The following SLC16A7 variants were observed in gnomAD, a reference collection of about 807,000 sequenced individuals.
SLC16A7 encodes solute carrier family 16 member 7, also known as monocarboxylate transporter 2.
A neutral mutation model predicts 34.9 loss-of-function variants in SLC16A7; 33 were observed. That is an observed-to-expected ratio of 0.94 (90% confidence interval 0.72 to 1.26). SLC16A7 has a LOEUF of 1.26. SLC16A7 is among the 50% of genes most tolerant of loss of function. The probability of loss-of-function intolerance (pLI) is 0.00; values close to 1 mark genes in which losing one functional copy is unlikely to be tolerated. For missense variants in SLC16A7, 573 were observed against 578.1 expected (o/e 0.99, Z 0.09); for synonymous variants, 201 against 206.6 (o/e 0.97, Z 0.23).
rs928429758 is a variant in SLC16A7, at chr12:59,704,937, G to T, written c.136G>T (p.Glu46Ter). ...CAAAGCTGTCACCGTATTCTTCAAA[G>T]AAATTCAGCAAATATTCCACACTAC... ...FPKAVTVFFK[E>*]IQQIFHTTYS... Residue 46 changes from glutamate to a stop codon, truncating the protein, a stop_gained, in exon 3 of 6, where the codon GAA becomes TAA. Coordinates refer to ENST00000547379, the MANE Select transcript of SLC16A7 (RefSeq NM_001270623.2). LOFTEE classifies it high-confidence loss of function. 3 of 1,613,698 alleles carry T rather than the reference G, an allele frequency of 1.9e-6. No individual in the cohort carries two copies. Among genetic ancestry groups the T allele is most frequent in the African/African-American group, 2.7e-5 (2 of 74,880 alleles).
At chr12:59,729,437 G>A (rs1167193323) in intron 3 of SLC16A7, among the ~76,000 whole-genome samples, 1 of 152,048 alleles carries the variant, frequency 6.6e-6, no homozygotes, top group African/African-American at 2.4e-5. Context: ...TCTTTATTCT[G>A]TCTTTATTAA....
Position 59,780,714 on chromosome 12 carries a change from A to C in SLC16A7, c.*1035A>C, listed in dbSNP as rs1883186137. On this transcript the variant is annotated 3_prime_UTR_variant, in exon 6 of 6. Transcript: ENST00000547379. ...GTTGGCAGGATTGTAAGTAGACCGA[A>C]TTCTAATTTTTCCCAACACATAGTG... The C allele has an allele frequency of 6.6e-6, 1 of 152,166 alleles. No individual in the cohort carries two copies. Among genetic ancestry groups the C allele is most frequent in the South Asian group, 2.1e-4 (1 of 4,834 alleles). The allele number at this position is 152,166 out of a possible 1,614,324, so 9.4% of individuals were successfully genotyped here.
At chr12:59,711,633 T>G (rs1393092100) in intron 3 of SLC16A7, among the ~76,000 whole-genome samples, 2 of 152,140 alleles carry the variant, frequency 1.3e-5, no homozygotes, top group Admixed American at 6.5e-5. Flanking sequence ...TTCTCCTGCC[T>G]CAGCCTCCTG....
At chr12:59,614,187 G>T (rs1185192710) in intron 1 of SLC16A7, among the ~76,000 whole-genome samples, 1 of 151,852 alleles carries the variant, frequency 6.6e-6, no homozygotes, top group Non-Finnish European at 1.5e-5. Context: ...AGTAACTGTG[G>T]CTACATGTGC....
intron 3 of SLC16A7, among the ~76,000 whole-genome samples, chr12:59,766,335 C>T (rs1881627494): frequency 6.6e-6 from 1 of 152,116 alleles, no homozygotes; most frequent in South Asian, 2.1e-4. Context: ...CTTCTCCTGC[C>T]TGATTGCCCT....
At position 59,655,168 on chromosome 12, in the gene SLC16A7, G is replaced by A. The variant is rs528528716; in HGVS notation, c.-113G>A. ...TTCTTCTAGGAGTCAATCTTAAGAT[G>A]TGATACTTTCCTGTGAAACCTGAAA... On this transcript the variant is annotated 5_prime_UTR_variant, in exon 2 of 6. The change creates a new upstream start codon in the 5' untranslated region. Transcript: ENST00000547379. 2.3e-4 allele frequency: 35 copies of A among 151,860 alleles called. No homozygotes were observed. Among genetic ancestry groups the A allele is most frequent in the Non-Finnish European group, 4.9e-4 (33 of 67,896 alleles). The allele number at this position is 151,860 out of a possible 1,614,324, so 9.4% of individuals were successfully genotyped here.
chr12:59,673,474 G>T (rs974464171), intron 2 of SLC16A7, among the ~76,000 whole-genome samples: 1 of 147,496 alleles, frequency 6.8e-6, no homozygotes, highest in Non-Finnish European at 1.5e-5. Context: ...CAAGTTGTCA[G>T]CAAACATGTT....
At chr12:59,703,343 A>G (rs17122864) in intron 2 of SLC16A7, among the ~76,000 whole-genome samples, 2,679 of 152,144 alleles carry the variant, frequency 0.018, 84 homozygotes, top group African/African-American at 0.061. Context: ...TACGTTGTCT[A>G]ATAGAATGGT....
In SLC16A7 at chr12:59,775,267, T is replaced by A; in HGVS notation, c.972T>A (p.Asn324Lys). The change falls in exon 5 of 6, where the codon AAT becomes AAA. Residue 324 changes from asparagine (N) to lysine (K), a missense_variant. Asn to Lys is a moderately conservative substitution (Grantham distance 94). Transcript: ENST00000547379. ...QYFFSFAIMF[N>K]GVCHLLCPLA... ...TCTTCAGTTTTGCAATCATGTTCAA[T>A]GGAGTGTGTCACCTCTTGTGCCCAC... 6.2e-7 allele frequency: 1 copy of A among 1,614,200 alleles called. No homozygotes were observed. Among genetic ancestry groups the A allele is most frequent in the Non-Finnish European group, 8.5e-7 (1 of 1,180,004 alleles).
chr12:59,686,988 C>T (rs1015288185), intron 2 of SLC16A7, among the ~76,000 whole-genome samples: 5 of 151,754 alleles, frequency 3.3e-5, no homozygotes, highest in African/African-American at 1.2e-4. Flanking sequence ...CGTTAAATAC[C>T]TTGATGTAGT....
chr12:59,684,117 A>G (rs1431802476), intron 2 of SLC16A7, among the ~76,000 whole-genome samples: 2 of 152,248 alleles, frequency 1.3e-5, no homozygotes, highest in Non-Finnish European at 2.9e-5. Flanking sequence ...TGAAGTAAAG[A>G]AAATGAAGGA....
At chr12:59,740,954 T>A (rs1313426938) in intron 3 of SLC16A7, among the ~76,000 whole-genome samples, 1 of 152,144 alleles carries the variant, frequency 6.6e-6, no homozygotes, top group African/African-American at 2.4e-5. Flanking sequence ...GTGAACTCCC[T>A]TTCACAATTG....
At chr12:59,663,217 T>C (rs2137032628) in intron 2 of SLC16A7, among the ~76,000 whole-genome samples, 1 of 152,098 alleles carries the variant, frequency 6.6e-6, no homozygotes, top group South Asian at 2.1e-4. Context: ...TATTTAACTT[T>C]AGAATATTTT....
At chr12:59,758,919 C>T (rs577789270) in intron 3 of SLC16A7, among the ~76,000 whole-genome samples, 32 of 151,868 alleles carry the variant, frequency 2.1e-4, no homozygotes, top group Non-Finnish European at 4.3e-4. Context: ...AGTCTTGTTG[C>T]CATTTTTAAG....
intron 3 of SLC16A7, among the ~76,000 whole-genome samples, chr12:59,724,658 A>T (rs887431989): frequency 5.3e-5 from 8 of 152,090 alleles, no homozygotes; most frequent in Non-Finnish European, 8.8e-5. Context: ...GCTGCATAAA[A>T]GAAAAGGGCT....
At chr12:59,764,998 T>C (rs1005210133) in intron 3 of SLC16A7, among the ~76,000 whole-genome samples, 1 of 152,208 alleles carries the variant, frequency 6.6e-6, no homozygotes, top group Non-Finnish European at 1.5e-5. Context: ...GCACCTGTTG[T>C]TTCCTGACTT....
intron 3 of SLC16A7, among the ~76,000 whole-genome samples, chr12:59,726,234 A>G (rs371440184): frequency 1.2e-4 from 18 of 152,184 alleles, no homozygotes; most frequent in Admixed American, 9.8e-4. Flanking sequence ...TGAAATTAAA[A>G]GTGACGTGAG....
chr12:59,719,891 G>A (rs577754985), intron 3 of SLC16A7: 20 of 514,170 alleles, frequency 3.9e-5, no homozygotes, highest in Non-Finnish European at 6.4e-5. Context: ...ACAATTTTCC[G>A]TGGTCCACTG....
intron 3 of SLC16A7, among the ~76,000 whole-genome samples, chr12:59,760,662 C>T (rs1880915702): frequency 6.6e-6 from 1 of 152,006 alleles, no homozygotes; most frequent in Non-Finnish European, 1.5e-5. Context: ...ACTAAGAGGG[C>T]TGCTAAGTAA....
Sources: allele counts gnomAD v4.1 joint callset (sites outside exome capture counted in the v4.1 genomes callset), GRCh38; gene constraint gnomAD v4.1.1; transcripts MANE v1.5; gene names NCBI Gene and HGNC (gene_info 2026-07-23, HGNC 2026-07-21).